The following SGCZ variants were observed in gnomAD, a reference collection of about 807,000 sequenced individuals.
The protein encoded by SGCZ is sarcoglycan zeta.
SGCZ carries 40 observed loss-of-function variants against 41.3 expected under a neutral mutation model. The ratio of observed to expected loss-of-function variants is 0.97; its 90% CI spans 0.75 to 1.26. The LOEUF (loss-of-function observed/expected upper bound fraction) is 1.26. Ranked by LOEUF, SGCZ falls within the 50% of genes most tolerant of loss-of-function variation. The pLI, the probability that SGCZ is intolerant of heterozygous loss-of-function variation, is 0.00. For synonymous variants in SGCZ, 206 were observed against 137.5 expected (o/e 1.50, Z -3.49); for missense variants, 552 against 369.8 (o/e 1.49, Z -4.04).
At chr8:14,401,934 A>T (rs868670283) in intron 2 of SGCZ, among the ~76,000 whole-genome samples, 3,595 of 147,112 alleles carry the variant, frequency 0.024, 144 homozygotes, top group African/African-American at 0.09. Flanking sequence ...TTTCTCCACA[A>T]CCTCTCCAGC....
intron 2 of SGCZ, among the ~76,000 whole-genome samples, chr8:14,542,660 T>A (rs1409891196): frequency 6.6e-6 from 1 of 152,084 alleles, no homozygotes. Context: ...TCCTGGCACA[T>A]AGTTTTAAAA....
intron 1 of SGCZ, among the ~76,000 whole-genome samples, chr8:14,776,683 C>T (rs11994701): frequency 2.6e-5 from 4 of 151,478 alleles, no homozygotes; most frequent in South Asian, 4.2e-4. Context: ...TTAGTAGAGG[C>T]GGGGTTTCAC....
At chr8:14,422,757 G>T (rs942379234) in intron 2 of SGCZ, among the ~76,000 whole-genome samples, 2 of 152,174 alleles carry the variant, frequency 1.3e-5, no homozygotes, top group African/African-American at 4.8e-5. Context: ...TGTTACCCCA[G>T]ATCTCTTTTA....
intron 1 of SGCZ, among the ~76,000 whole-genome samples, chr8:15,189,672 C>A (rs1800467624): frequency 6.6e-6 from 1 of 151,994 alleles, no homozygotes; most frequent in African/African-American, 2.4e-5. Context: ...CCTGAGCCTC[C>A]CAAGTAGCTG....
At chr8:15,012,606 A>AGCAT (rs1802873457) in intron 1 of SGCZ, among the ~76,000 whole-genome samples, 1 of 109,576 alleles carries the variant, frequency 9.1e-6, no homozygotes, top group Non-Finnish European at 1.7e-5. Flanking sequence ...ATATTTATAT[A>AGCAT]ATACATATAT....
intron 4 of SGCZ, among the ~76,000 whole-genome samples, chr8:14,217,096 C>G (rs1269267304): frequency 6.6e-6 from 1 of 151,920 alleles, no homozygotes; most frequent in Non-Finnish European, 1.5e-5. Flanking sequence ...GACCATCCTG[C>G]CTAACACAGT....
intron 1 of SGCZ, among the ~76,000 whole-genome samples, chr8:15,010,629 C>G (rs1056330646): frequency 6.6e-6 from 1 of 152,142 alleles, no homozygotes; most frequent in Non-Finnish European, 1.5e-5. Flanking sequence ...AATGAAAGTT[C>G]TTTTAACAGC....
At chr8:14,460,346 C>G (rs1014113715) in intron 2 of SGCZ, among the ~76,000 whole-genome samples, 3 of 152,154 alleles carry the variant, frequency 2.0e-5, no homozygotes, top group African/African-American at 7.2e-5. Flanking sequence ...TCAGAAACCA[C>G]TGTCCTAAAA....
intron 3 of SGCZ, among the ~76,000 whole-genome samples, chr8:14,300,819 A>G (rs560938334): frequency 6.6e-6 from 1 of 152,000 alleles, no homozygotes; most frequent in South Asian, 2.1e-4. Context: ...TAATCAGGCT[A>G]TTTGTTTCCT....
At chr8:14,150,821 A>G (rs1803682981) in intron 5 of SGCZ, among the ~76,000 whole-genome samples, 1 of 152,190 alleles carries the variant, frequency 6.6e-6, no homozygotes, top group Admixed American at 6.5e-5. Flanking sequence ...GTCCATATAC[A>G]TAATGGAGTA....
intron 1 of SGCZ, among the ~76,000 whole-genome samples, chr8:14,692,877 C>T (rs1274273061): frequency 6.6e-6 from 1 of 152,038 alleles, no homozygotes; most frequent in African/African-American, 2.4e-5. Flanking sequence ...TCACTGAACG[C>T]GATATCGAAG....
At chr8:14,647,431 G>A (rs1389096385) in intron 1 of SGCZ, among the ~76,000 whole-genome samples, 1 of 151,964 alleles carries the variant, frequency 6.6e-6, no homozygotes, top group East Asian at 1.9e-4. Context: ...GATCTATTTA[G>A]AGACCTAGAT....
chr8:15,166,566 G>C (rs548773058), intron 1 of SGCZ, among the ~76,000 whole-genome samples: 7 of 152,070 alleles, frequency 4.6e-5, no homozygotes, highest in Non-Finnish European at 1.0e-4. Context: ...ACCTTCTTTA[G>C]GTTTTATCTT....
chr8:14,774,192 TGAGCAAGAGA>T (rs977740626), intron 1 of SGCZ, among the ~76,000 whole-genome samples: 157 of 152,314 alleles, frequency 1.0e-3, no homozygotes, highest in Non-Finnish European at 1.9e-3. Context: ...TGAATTTCCC[TGAGCAAGAGA>T]GAACTGTGCA....
intron 1 of SGCZ, among the ~76,000 whole-genome samples, chr8:15,080,095 G>A (rs1194148026): frequency 6.6e-6 from 1 of 151,838 alleles, no homozygotes; most frequent in African/African-American, 2.4e-5. Flanking sequence ...TCTCTGTAAA[G>A]ACCCATTTTC....
At chr8:14,208,344 C>T (rs1805685093) in intron 4 of SGCZ, among the ~76,000 whole-genome samples, 1 of 152,132 alleles carries the variant, frequency 6.6e-6, no homozygotes, top group Non-Finnish European at 1.5e-5. Flanking sequence ...AAAAATCTGA[C>T]ACCGTAAGAC....
chr8:14,852,614 CT>C (rs1447756347), intron 1 of SGCZ, among the ~76,000 whole-genome samples: 1 of 152,156 alleles, frequency 6.6e-6, no homozygotes, highest in Non-Finnish European at 1.5e-5. Flanking sequence ...AATTTATTGA[CT>C]TTTTTCCCTG....
chr8:14,647,519 T>C (rs1807261205), intron 1 of SGCZ, among the ~76,000 whole-genome samples: 2 of 151,980 alleles, frequency 1.3e-5, no homozygotes, highest in Non-Finnish European at 2.9e-5. Flanking sequence ...TAAAGTCACC[T>C]TCTCCCTTTC....
At chr8:15,038,685 A>G (rs1244549802) in intron 1 of SGCZ, among the ~76,000 whole-genome samples, 1 of 151,978 alleles carries the variant, frequency 6.6e-6, no homozygotes, top group Non-Finnish European at 1.5e-5. Context: ...AGAGAATGGT[A>G]AGAAAAAATT....
Sources: gnomAD v4.1 joint callset for allele counts (sites outside exome capture counted in the v4.1 genomes callset) on GRCh38, gnomAD v4.1.1 for gene constraint, MANE v1.5 for transcripts, NCBI Gene and HGNC (gene_info 2026-07-23, HGNC 2026-07-21) for gene names.